CHRM2: variants seen among roughly 807,000 people sequenced by gnomAD.
The protein encoded by CHRM2 is cholinergic receptor muscarinic 2, also known as muscarinic acetylcholine receptor M2.
CHRM2 carries 8 observed loss-of-function variants against 25.0 expected under a neutral mutation model. That is an observed-to-expected ratio of 0.32 (90% confidence interval 0.19 to 0.58). CHRM2 has a LOEUF of 0.58. Ranked by LOEUF, CHRM2 falls within the 20% of genes least tolerant of loss-of-function variation. The pLI, the probability that CHRM2 is intolerant of heterozygous loss-of-function variation, is 0.88. For synonymous variants in CHRM2, 202 were observed against 205.7 expected, an observed-to-expected ratio of 0.98 and a Z score of 0.15; for missense variants, 440 against 567.1, an observed-to-expected ratio of 0.78 and a Z score of 2.28.
intron 2 of CHRM2, among the ~76,000 whole-genome samples, chr7:136,895,009 T>C (rs17495182): frequency 0.24 from 36,676 of 152,058 alleles, 5,219 homozygotes; most frequent in Non-Finnish European, 0.32. Context: ...TCTACAGTAT[T>C]TTGGAGTACC....
At position 137,018,221 on chromosome 7, in the gene CHRM2, C is replaced by T. The variant is rs1012485127; in HGVS notation, c.*1955C>T. Reference sequence around the variant, plus strand: ...ATGAGGGAAAAAAAAAACCAAAAAACTTATAAGTTAGTAAGAAGCAAATTG... The same window carrying T: ...ATGAGGGAAAAAAAAAACCAAAAAATTTATAAGTTAGTAAGAAGCAAATTG... On this transcript the variant is annotated 3_prime_UTR_variant, in exon 4 of 4. Coordinates refer to ENST00000680005, the MANE Select transcript of CHRM2 (RefSeq NM_001006630.2). The T allele has an allele frequency of 9.9e-5, 15 of 151,622 alleles. No homozygotes were observed. The highest frequency in any genetic ancestry group is 3.1e-4 in the African/African-American group (13 of 41,420). The allele number at this position is 151,622 out of a possible 1,614,324, so 9.4% of individuals were successfully genotyped here.
chr7:136,978,756 A>G (rs540001922), intron 2 of CHRM2, among the ~76,000 whole-genome samples: 1 of 152,192 alleles, frequency 6.6e-6, no homozygotes, highest in East Asian at 1.9e-4. Context: ...CAGCTTCATC[A>G]ATATCCCTGC....
At chr7:136,878,476 G>A (rs1796133748) in intron 2 of CHRM2, among the ~76,000 whole-genome samples, 1 of 151,752 alleles carries the variant, frequency 6.6e-6, no homozygotes, top group Non-Finnish European at 1.5e-5. Context: ...AGCAATCTCA[G>A]TTTTGCTTTA....
At chr7:137,002,616 A>G (rs963754386) in intron 3 of CHRM2, among the ~76,000 whole-genome samples, 5 of 152,216 alleles carry the variant, frequency 3.3e-5, no homozygotes, top group Non-Finnish European at 5.9e-5. Context: ...CTTGAAGTAT[A>G]GATTGAAGAT....
At chr7:136,965,510 T>G (rs987739490) in intron 2 of CHRM2, among the ~76,000 whole-genome samples, 3 of 152,054 alleles carry the variant, frequency 2.0e-5, no homozygotes, top group Non-Finnish European at 2.9e-5. Context: ...GCCAAAGGAA[T>G]TTTGAAACAG....
At chr7:136,891,532 C>A (rs1796690759) in intron 2 of CHRM2, among the ~76,000 whole-genome samples, 1 of 152,142 alleles carries the variant, frequency 6.6e-6, no homozygotes. Flanking sequence ...ATCACCTGGC[C>A]AAGATAGCAT....
intron 2 of CHRM2, among the ~76,000 whole-genome samples, chr7:136,923,481 A>AT (rs889784543): frequency 2.6e-4 from 39 of 149,498 alleles, no homozygotes; most frequent in African/African-American, 7.6e-4. Context: ...AATCCAATCA[A>AT]TTTTTTTTTT....
intron 2 of CHRM2, among the ~76,000 whole-genome samples, chr7:136,878,034 T>A (rs13233131): frequency 0.14 from 20,695 of 152,034 alleles, 1,670 homozygotes; most frequent in Non-Finnish European, 0.18. Flanking sequence ...TTTCACAACC[T>A]GTTTTACATT....
intron 2 of CHRM2, among the ~76,000 whole-genome samples, chr7:136,923,005 T>C (rs369449112): frequency 2.0e-5 from 3 of 152,174 alleles, no homozygotes; most frequent in African/African-American, 7.2e-5. Context: ...GCTGTTATGA[T>C]TAAATAAACT....
intron 2 of CHRM2, among the ~76,000 whole-genome samples, chr7:136,941,485 CAAT>C (rs1799768141): frequency 6.6e-6 from 1 of 152,172 alleles, no homozygotes; most frequent in Non-Finnish European, 1.5e-5. Context: ...TTCAAATCAA[CAAT>C]AATTGAAGTG....
intron 2 of CHRM2, chr7:136,951,220 T>C (rs761109900): frequency 2.0e-5 from 3 of 152,154 alleles, no homozygotes; most frequent in African/African-American, 7.2e-5. Flanking sequence ...ATTCTTTTAA[T>C]AGAAATGAGG....
intron 2 of CHRM2, among the ~76,000 whole-genome samples, chr7:136,975,718 C>T (rs1802061950): frequency 6.6e-6 from 1 of 152,126 alleles, no homozygotes; most frequent in Admixed American, 6.5e-5. Flanking sequence ...TTATCTCTTC[C>T]TATTGCCTTC....
chr7:136,964,895 C>T (rs1801316750), intron 2 of CHRM2, among the ~76,000 whole-genome samples: 1 of 152,162 alleles, frequency 6.6e-6, no homozygotes, highest in Non-Finnish European at 1.5e-5. Context: ...GCTTCCTTCC[C>T]TTCCTTTCTG....
chr7:136,889,808 GA>G (rs951412525), intron 2 of CHRM2, among the ~76,000 whole-genome samples: 1 of 152,176 alleles, frequency 6.6e-6, no homozygotes, highest in African/African-American at 2.4e-5. Flanking sequence ...ACTGTTGCGG[GA>G]ATGTTGTTTT....
intron 2 of CHRM2, among the ~76,000 whole-genome samples, chr7:136,935,448 C>A (rs575571441): frequency 2.0e-5 from 3 of 151,972 alleles, no homozygotes; most frequent in Non-Finnish European, 4.4e-5. Context: ...ATGGTAGGTA[C>A]GACTAGACAA....
chr7:136,994,080 C>T (rs565471599), intron 3 of CHRM2, among the ~76,000 whole-genome samples: 13 of 152,246 alleles, frequency 8.5e-5, no homozygotes, highest in African/African-American at 2.4e-4. Context: ...AAGACCTTGC[C>T]GCTCCAAATG....
At chr7:136,888,522 C>T (rs1796560478) in intron 2 of CHRM2, among the ~76,000 whole-genome samples, 1 of 151,956 alleles carries the variant, frequency 6.6e-6, no homozygotes, top group African/African-American at 2.4e-5. Context: ...CACCAATCAT[C>T]AGCATTCACC....
intron 2 of CHRM2, among the ~76,000 whole-genome samples, chr7:136,883,926 A>C (rs1374885891): frequency 1.3e-5 from 2 of 152,140 alleles, no homozygotes; most frequent in Admixed American, 1.3e-4. Context: ...TCTAATCTTG[A>C]AAGCATCTAC....
intron 2 of CHRM2, among the ~76,000 whole-genome samples, chr7:136,952,919 T>G (rs996840137): frequency 2.0e-5 from 3 of 152,226 alleles, no homozygotes; most frequent in Non-Finnish European, 4.4e-5. Context: ...CGTTCTTTTT[T>G]ATGGCTGCAT....
Sources: gnomAD v4.1 joint callset for allele counts (sites outside exome capture counted in the v4.1 genomes callset) on GRCh38, gnomAD v4.1.1 for gene constraint, MANE v1.5 for transcripts, NCBI Gene and HGNC (gene_info 2026-07-23, HGNC 2026-07-21) for gene names.